The following KCNT2 variants were observed in gnomAD, a reference collection of about 807,000 sequenced individuals.
KCNT2 encodes the protein potassium sodium-activated channel subfamily T member 2.
KCNT2 carries 67 observed loss-of-function variants against 153.8 expected under a neutral mutation model. The ratio of observed to expected loss-of-function variants is 0.44; its 90% CI spans 0.36 to 0.53. KCNT2 has a LOEUF of 0.53. Among genes scored for constraint, KCNT2 ranks in the 20% least tolerant of loss-of-function variants. The pLI is 0.00. For missense variants in KCNT2, 975 were observed against 1,354.8 expected (o/e 0.72, Z 4.40); for synonymous variants, 500 against 458.8 (o/e 1.09, Z -1.15).
chr1:196,242,871 G>T (rs773050925), intron 26 of KCNT2, among the ~76,000 whole-genome samples: 2 of 152,056 alleles, frequency 1.3e-5, no homozygotes, highest in African/African-American at 2.4e-5. Context: ...ACATATCATT[G>T]AAGTTATTTT....
Position 196,326,812 on chromosome 1 carries a change from T to C in KCNT2, c.2181A>G (p.Thr727=), listed in dbSNP as rs757750685. ...TAAAGTTATATAATCCATTTCCAGC[T>C]GTTTCAGCTGCAACTATAATTAGTT... ...KNKLIIVAAE[T]AGNGLYNFIV... is the part of the protein sequence containing the mutation. The change falls in exon 19 of 28, where the codon ACA becomes ACG. Residue 727 remains threonine, a synonymous_variant. Coordinates refer to ENST00000294725, the MANE Select transcript of KCNT2 (RefSeq NM_198503.5). 12 of 1,585,070 alleles carry C rather than the reference T, an allele frequency of 7.6e-6. No individual in the cohort carries two copies. The South Asian group carries it at 1.3e-4, about 17-fold the overall frequency.
chr1:196,373,385 A>C, intron 13 of KCNT2, 137 bp from the exon 14 acceptor site: 1 of 578,260 alleles, frequency 1.7e-6, no homozygotes, highest in Non-Finnish European at 3.1e-6. Flanking sequence ...TTACAAGTGC[A>C]ATTTTATCCC....
chr1:196,302,473 A>T (rs570625999), intron 22 of KCNT2, among the ~76,000 whole-genome samples: 4 of 152,162 alleles, frequency 2.6e-5, no homozygotes, highest in Non-Finnish European at 5.9e-5. Context: ...TGAAATAAAG[A>T]TGTTGTCAAG....
rs866732371 is a variant in KCNT2, at chr1:196,360,697, T to C, written c.1403+12443A>G. Among the ~76,000 whole-genome samples, 16 of 152,098 alleles carry C rather than the reference T, an allele frequency of 1.1e-4. No homozygotes were observed. In the South Asian group the frequency reaches 2.7e-3, roughly 26 times the overall value. On this transcript the variant is annotated intron_variant, in intron 14 of 27. Coordinates refer to ENST00000294725, the MANE Select transcript of KCNT2 (RefSeq NM_198503.5). ...TGTGGGCGCAACAGAGGAAACCCCATGTGAGGACACAGCGAGAATACAGCC... is the reference window on the plus strand; with the variant it reads ...TGTGGGCGCAACAGAGGAAACCCCACGTGAGGACACAGCGAGAATACAGCC...
At chr1:196,327,648 C>T (rs1664001844) in intron 18 of KCNT2, among the ~76,000 whole-genome samples, 1 of 146,648 alleles carries the variant, frequency 6.8e-6, no homozygotes, top group Admixed American at 6.8e-5. Flanking sequence ...GAACATTTAT[C>T]ACCTCTGGAA....
intron 1 of KCNT2, among the ~76,000 whole-genome samples, chr1:196,528,966 C>A (rs185889836): frequency 2.6e-5 from 4 of 151,824 alleles, no homozygotes; most frequent in African/African-American, 7.3e-5. Flanking sequence ...GAATATGAAT[C>A]TTAAAATAAA....
intron 8 of KCNT2, among the ~76,000 whole-genome samples, chr1:196,451,217 CTTTTTTTT>C (rs561944079): frequency 4.4e-4 from 28 of 63,558 alleles, no homozygotes; most frequent in South Asian, 1.0e-3. Context: ...ATCCCTCTTT[CTTTTTTTT>C]TTTTTTTTTT....
At chr1:196,499,839 A>G (rs1354219346) in intron 1 of KCNT2, among the ~76,000 whole-genome samples, 2 of 152,076 alleles carry the variant, frequency 1.3e-5, no homozygotes, top group Admixed American at 1.3e-4. Context: ...ATAGATATCA[A>G]CTTTATAGAA....
At chr1:196,350,581 T>C (rs976649239) in intron 14 of KCNT2, among the ~76,000 whole-genome samples, 1 of 152,204 alleles carries the variant, frequency 6.6e-6, no homozygotes, top group Non-Finnish European at 1.5e-5. Flanking sequence ...TTGTTTGAGT[T>C]CATTGTAGAT....
At chr1:196,270,248 C>T (rs979626530) in intron 25 of KCNT2, among the ~76,000 whole-genome samples, 8 of 151,832 alleles carry the variant, frequency 5.3e-5, no homozygotes, top group African/African-American at 1.7e-4. Context: ...ATTATAGTGG[C>T]CCAAGGTCTA....
At chr1:196,302,981 A>T (rs1370150874) in intron 22 of KCNT2, among the ~76,000 whole-genome samples, 1 of 151,846 alleles carries the variant, frequency 6.6e-6, no homozygotes, top group Non-Finnish European at 1.5e-5. Context: ...TTCATGGGAA[A>T]AATCTAAAAG....
At chr1:196,518,079 T>C (rs1652848245) in intron 1 of KCNT2, among the ~76,000 whole-genome samples, 2 of 152,132 alleles carry the variant, frequency 1.3e-5, no homozygotes, top group Admixed American at 1.3e-4. Context: ...GCAGAAACCC[T>C]ACTAACCAGC....
chr1:196,431,092 T>C (rs953053231), intron 8 of KCNT2, among the ~76,000 whole-genome samples: 1 of 152,136 alleles, frequency 6.6e-6, no homozygotes, highest in African/African-American at 2.4e-5. Flanking sequence ...CACGCCACAA[T>C]GCGTCATCTT....
chr1:196,496,444 G>A (rs1680263139), intron 1 of KCNT2, among the ~76,000 whole-genome samples: 1 of 150,698 alleles, frequency 6.6e-6, no homozygotes, highest in African/African-American at 2.4e-5. Flanking sequence ...CTCCAGCCTG[G>A]GCGACAGAGC....
chr1:196,280,811 C>T (rs1659021064), intron 25 of KCNT2, 49 bp downstream of exon 25: 2 of 1,507,874 alleles, frequency 1.3e-6, no homozygotes, highest in Admixed American at 1.7e-5. Flanking sequence ...TGAATGATTG[C>T]ACTCATCAGA....
At chr1:196,587,641 A>G (rs1662845786) in intron 1 of KCNT2, among the ~76,000 whole-genome samples, 1 of 152,088 alleles carries the variant, frequency 6.6e-6, no homozygotes, top group Non-Finnish European at 1.5e-5. Context: ...ACAATAATCT[A>G]TAGACATATT....
chr1:196,423,394 A>G (rs1673380948), intron 11 of KCNT2, among the ~76,000 whole-genome samples: 1 of 151,848 alleles, frequency 6.6e-6, no homozygotes, highest in African/African-American at 2.4e-5. Context: ...AATATATTTT[A>G]TATGCATGCT....
At chr1:196,490,024 T>A in intron 2 of KCNT2, 87 bp from the exon 3 acceptor site, 1 of 612,654 alleles carries the variant, frequency 1.6e-6, no homozygotes, top group Non-Finnish European at 2.9e-6. Flanking sequence ...CAAATTTAAA[T>A]ACAGCACTTA....
intron 1 of KCNT2, among the ~76,000 whole-genome samples, chr1:196,606,382 G>A (rs1665322247): frequency 6.6e-6 from 1 of 152,094 alleles, no homozygotes; most frequent in Non-Finnish European, 1.5e-5. Context: ...AGCCACAAAA[G>A]TAGCCAAATC....
Sources: gnomAD v4.1 joint callset for allele counts (sites outside exome capture counted in the v4.1 genomes callset) on GRCh38, gnomAD v4.1.1 for gene constraint, MANE v1.5 for transcripts, NCBI Gene and HGNC (gene_info 2026-07-23, HGNC 2026-07-21) for gene names.